SLC28A3: variants seen among roughly 807,000 people sequenced by gnomAD.
SLC28A3 encodes the protein solute carrier family 28 member 3, also known as concentrative Na(+)-nucleoside cotransporter 3.
A neutral mutation model predicts 84.2 loss-of-function variants in SLC28A3; 68 were observed. The ratio of observed to expected loss-of-function variants is 0.81; its 90% CI spans 0.66 to 0.99. The LOEUF is 0.99. SLC28A3 is among the 50% of genes least tolerant of loss of function. SLC28A3 has a pLI of 0.00. For missense variants in SLC28A3, 712 were observed against 841.5 expected (o/e 0.85, Z 1.90); for synonymous variants, 267 against 303.6 (o/e 0.88, Z 1.25).
At position 84,276,978 on chromosome 9, in the gene SLC28A3, G is replaced by C. The variant is rs1359156028; in HGVS notation, c.*1240C>G. The C allele has an allele frequency of 1.3e-5, 2 of 152,208 alleles. No homozygotes were observed. Among genetic ancestry groups the C allele is most frequent in the East Asian group, 1.9e-4 (1 of 5,202 alleles). 9.4% of individuals were successfully genotyped at this position (152,208 alleles called of 1,614,324 possible). A position where few individuals can be genotyped will look rare whatever the true frequency, so the allele number is the denominator to read the frequency against. ...CAGTGGTGATGGGCATTTCGTTAAA[G>C]AGCACACCACCATTGTCTCTGGAAT... On this transcript the variant is annotated 3_prime_UTR_variant, in exon 18 of 18. Coordinates refer to ENST00000376238, the MANE Select transcript of SLC28A3 (RefSeq NM_001199633.2).
chr9:84,351,078 G>A, the SLC28A3 span, among the ~76,000 whole-genome samples: 1 of 152,070 alleles, frequency 6.6e-6, no homozygotes, highest in Non-Finnish European at 1.5e-5. Context: ...AGCTTAAAAT[G>A]CAAATGCAAA....
intron 2 of SLC28A3, among the ~76,000 whole-genome samples, 199 bp from the exon 3 acceptor site, chr9:84,309,913 A>G (rs1825935288): frequency 6.6e-6 from 1 of 152,134 alleles, no homozygotes; most frequent in African/African-American, 2.4e-5. Flanking sequence ...TGCCAGGTTC[A>G]TACTGAACTC....
At chr9:84,286,220 G>C in intron 12 of SLC28A3, 109 bp from the exon 13 acceptor site, 1 of 1,046,766 alleles carries the variant, frequency 9.6e-7, no homozygotes, top group Non-Finnish European at 1.4e-6. Context: ...AAACTCTAAG[G>C]CCCCTGCCTT....
Position 84,297,983 on chromosome 9 carries a change from G to A in SLC28A3, c.706C>T (p.Gln236Ter), listed in dbSNP as rs1264108220. The A allele has an allele frequency of 6.2e-7, 1 of 1,612,742 alleles. No individual in the cohort carries two copies. Among genetic ancestry groups the A allele is most frequent in the East Asian group, 2.2e-5 (1 of 44,866 alleles). ...WRPVLWGIGL[Q>*]FLLGLLILRT... ...AGAATCAAGAGCCCAAGAAGAAACT[G>A]TAGCCCGATTCCCCATAAGACAGGT... Residue 236 changes from glutamine (Q) to a stop codon, truncating the protein, a stop_gained, in exon 7 of 18, where the codon CAG becomes TAG. Transcript: ENST00000376238. LOFTEE classifies it high-confidence loss of function.
chr9:84,345,630 G>A (rs568292153), upstream of SLC28A3, among the ~76,000 whole-genome samples: 21 of 152,290 alleles, frequency 1.4e-4, no homozygotes, highest in African/African-American at 4.3e-4. Context: ...ACACTAGACA[G>A]TGTTGATTAA....
chr9:84,315,089 CA>C (rs1826125710), intron 1 of SLC28A3, among the ~76,000 whole-genome samples: 1 of 152,094 alleles, frequency 6.6e-6, no homozygotes, highest in South Asian at 2.1e-4. Flanking sequence ...AAAAAACAAA[CA>C]AACAAACAGC....
intron 5 of SLC28A3, among the ~76,000 whole-genome samples, chr9:84,301,936 T>G (rs4877835): frequency 0.12 from 18,329 of 152,222 alleles, 1,170 homozygotes; most frequent in East Asian, 0.17. Flanking sequence ...CTCAACATCT[T>G]TTGGACAACA....
chr9:84,292,469 CTCTCTG>C (rs902225209), intron 10 of SLC28A3, 193 bp downstream of exon 10: 63 of 396,292 alleles, frequency 1.6e-4, no homozygotes, highest in African/African-American at 8.1e-4. Flanking sequence ...CTCTGTCTCT[CTCTCTG>C]TCTCTCTCTC....
At chr9:84,352,387 G>T in the SLC28A3 span, among the ~76,000 whole-genome samples, 1 of 151,790 alleles carries the variant, frequency 6.6e-6, no homozygotes, top group Admixed American at 6.6e-5. Context: ...GTTTCACTAT[G>T]TTGGCCAGGC....
At chr9:84,345,936 A>G in the SLC28A3 span, among the ~76,000 whole-genome samples, 1 of 152,212 alleles carries the variant, frequency 6.6e-6, no homozygotes, top group Non-Finnish European at 1.5e-5. Flanking sequence ...CCAATTAGGA[A>G]ATAGAAATTG....
intron 8 of SLC28A3, among the ~76,000 whole-genome samples, chr9:84,296,166 T>C (rs191688399): frequency 1.1e-3 from 167 of 152,300 alleles, no homozygotes; most frequent in African/African-American, 3.9e-3. Flanking sequence ...ATGATATGAG[T>C]ATATTTCTAT....
In SLC28A3 at chr9:84,302,137, G is replaced by GA. The variant is rs1446546664; in HGVS notation, c.524+62dup. On this transcript the variant is annotated intron_variant, in intron 5 of 17. Coordinates refer to ENST00000376238, the MANE Select transcript of SLC28A3 (RefSeq NM_001199633.2). ...GGAAGCAATTTCAGAACAAATTTTT[G>GA]AAACGGTGTTGGAAAGGACTACTAT... 2.6e-6 allele frequency: 4 copies of GA among 1,515,898 alleles called. No homozygotes were observed. In the African/African-American group the frequency reaches 4.2e-5, roughly 16 times the overall value. The allele number at this position is 1,515,898 out of a possible 1,614,324, so 93.9% of individuals were successfully genotyped here.
chr9:84,343,738 C>T (rs192995387), upstream of SLC28A3, among the ~76,000 whole-genome samples: 13 of 152,318 alleles, frequency 8.5e-5, no homozygotes, highest in Admixed American at 5.2e-4. Context: ...TATGTATTGT[C>T]TAAGGCTGCT....
At chr9:84,278,481 G>A in intron 17 of SLC28A3, 137 bp from the exon 18 acceptor site, 1 of 1,121,246 alleles carries the variant, frequency 8.9e-7, no homozygotes. Flanking sequence ...TGGATTAAAG[G>A]ACAGAGACAC....
rs1310836698 is a variant in SLC28A3, at chr9:84,276,054, T to A, written c.*2164A>T. On this transcript the variant is annotated 3_prime_UTR_variant, in exon 18 of 18. Coordinates refer to ENST00000376238, the MANE Select transcript of SLC28A3 (RefSeq NM_001199633.2). ...ATATGGTAGCCACTAATACCTGAAA[T>A]ATGGAGTAACCAAGTAACAAATTTT... 1 of 152,116 alleles carries A rather than the reference T, an allele frequency of 6.6e-6. No homozygotes were observed. Among genetic ancestry groups the A allele is most frequent in the Non-Finnish European group, 1.5e-5 (1 of 68,020 alleles). The allele number at this position is 152,116 out of a possible 1,614,324, so 9.4% of individuals were successfully genotyped here.
intron 3 of SLC28A3, among the ~76,000 whole-genome samples, chr9:84,307,213 C>CTGAGGTCAGGAATT (rs1209454338): frequency 2.0e-5 from 3 of 150,340 alleles, no homozygotes; most frequent in Non-Finnish European, 4.4e-5. Flanking sequence ...GGTGGATCAA[C>CTGAGGTCAGGAATT]TGAGGTCAGG....
chr9:84,297,262 C>CAAAAAAA lies in SLC28A3; in HGVS notation c.819_820insTTTTTTT (p.Val274PhefsTer6), dbSNP rs767488284. Reference sequence around the variant, plus strand: ...TGGTCTTTGTATTTCTCACCAAAGACAAATGAAGCACCAGCATCTGTGTAC... The same window carrying CAAAAAAA: ...TGGTCTTTGTATTTCTCACCAAAGACAAAAAAAAAATGAAGCACCAGCATCTGTGTAC... On this transcript the variant is annotated frameshift_variant, in exon 8 of 18. Transcript: ENST00000376238. LOFTEE classifies it high-confidence loss of function. 6.2e-7 allele frequency: 1 copy of CAAAAAAA among 1,613,474 alleles called. No homozygotes were observed. The highest frequency in any genetic ancestry group is 1.1e-5 in the South Asian group (1 of 90,954).
At position 84,279,356 on chromosome 9, in the gene SLC28A3, T is replaced by G; in HGVS notation, c.1858A>C (p.Asn620His). The change falls in exon 17 of 18, where the codon AAC becomes CAC. Residue 620 changes from asparagine to histidine, a missense_variant. Transcript: ENST00000376238. ...GILSSTPVDI[N>H]CHHVLENAFN... ...GCATTCTCTAAAACGTGATGGCAGTTGATGTCCACAGGAGTGCTGGAGAGT... is the reference window on the plus strand; with the variant it reads ...GCATTCTCTAAAACGTGATGGCAGTGGATGTCCACAGGAGTGCTGGAGAGT... 6.2e-7 allele frequency: 1 copy of G among 1,612,960 alleles called. No homozygotes were observed. Among genetic ancestry groups the G allele is most frequent in the Non-Finnish European group, 8.5e-7 (1 of 1,179,336 alleles).
upstream of SLC28A3, among the ~76,000 whole-genome samples, chr9:84,341,329 G>A (rs1005776906): frequency 1.3e-5 from 2 of 148,266 alleles, no homozygotes; most frequent in Admixed American, 1.3e-4. Context: ...TGTGGGTGGT[G>A]TTAAAGACTA....
Sources: gnomAD v4.1 joint callset for allele counts (sites outside exome capture counted in the v4.1 genomes callset) on GRCh38, gnomAD v4.1.1 for gene constraint, MANE v1.5 for transcripts, NCBI Gene and HGNC (gene_info 2026-07-23, HGNC 2026-07-21) for gene names.